The following CSTPP1 variants were observed in gnomAD, a reference collection of about 807,000 sequenced individuals.
CSTPP1 encodes the protein UPF0705 protein C11orf49.
At chr11:46,966,615 TA>T in the CSTPP1 span, among the ~76,000 whole-genome samples, 69 of 148,402 alleles carry the variant, frequency 4.6e-4, no homozygotes, top group Admixed American at 4.3e-3. Flanking sequence ...TGGTGTTTTA[TA>T]AAAAAAAAAC....
the CSTPP1 span, among the ~76,000 whole-genome samples, chr11:47,053,575 G>A: frequency 6.0e-5 from 9 of 150,598 alleles, no homozygotes; most frequent in South Asian, 2.1e-4. Flanking sequence ...AGCCGAGATC[G>A]TGCCACTGCT....
At chr11:47,129,842 C>T in the CSTPP1 span, among the ~76,000 whole-genome samples, 2 of 151,914 alleles carry the variant, frequency 1.3e-5, no homozygotes, top group Non-Finnish European at 2.9e-5. Flanking sequence ...TCATTTTAAA[C>T]GTTGCCATAA....
At chr11:47,007,538 T>C in the CSTPP1 span, among the ~76,000 whole-genome samples, 6 of 152,204 alleles carry the variant, frequency 3.9e-5, no homozygotes, top group African/African-American at 1.4e-4. Flanking sequence ...TGCTTGAACA[T>C]AGTAAATAAA....
the CSTPP1 span, among the ~76,000 whole-genome samples, chr11:47,017,743 C>T: frequency 1.3e-5 from 2 of 151,288 alleles, no homozygotes; most frequent in South Asian, 2.1e-4. Context: ...TCTTGGCTCA[C>T]TGAAACCTCC....
At chr11:47,058,146 C>G in the CSTPP1 span, among the ~76,000 whole-genome samples, 2 of 152,050 alleles carry the variant, frequency 1.3e-5, no homozygotes, top group African/African-American at 4.8e-5. Flanking sequence ...CCAGCTTGGG[C>G]AACAGAGCAA....
chr11:47,102,237 G>A, the CSTPP1 span, among the ~76,000 whole-genome samples: 7 of 151,856 alleles, frequency 4.6e-5, no homozygotes, highest in Non-Finnish European at 8.8e-5. Flanking sequence ...AAAGGATTTT[G>A]ATCTCTTTTT....
chr11:47,041,080 T>A, the CSTPP1 span: 1 of 184,184 alleles, frequency 5.4e-6, no homozygotes, highest in Non-Finnish European at 1.2e-5. Context: ...GGTGTTGACT[T>A]TGTCTGCCCC....
chr11:47,053,824 C>T, the CSTPP1 span, among the ~76,000 whole-genome samples: 5 of 151,356 alleles, frequency 3.3e-5, no homozygotes, highest in South Asian at 1.0e-3. Context: ...CATACCTGTA[C>T]TCACAGCTAC....
the CSTPP1 span, among the ~76,000 whole-genome samples, chr11:47,081,285 TAA>T: frequency 6.6e-6 from 1 of 152,012 alleles, no homozygotes; most frequent in Non-Finnish European, 1.5e-5. Flanking sequence ...ATATGTAGAC[TAA>T]AATAACCAGA....
At chr11:47,116,754 A>G in the CSTPP1 span, among the ~76,000 whole-genome samples, 2 of 133,396 alleles carry the variant, frequency 1.5e-5, no homozygotes, top group Admixed American at 1.9e-4. Flanking sequence ...ATCTCAGCTC[A>G]CTGCAAGCTC....
chr11:47,157,831 T>C, the CSTPP1 span: 7 of 1,613,860 alleles, frequency 4.3e-6, no homozygotes, highest in Non-Finnish European at 5.1e-6. Flanking sequence ...CCCCAGCACT[T>C]GTCAAAGAGG....
the CSTPP1 span, among the ~76,000 whole-genome samples, chr11:46,946,923 A>C: frequency 1.3e-5 from 2 of 152,236 alleles, no homozygotes; most frequent in Admixed American, 6.5e-5. Flanking sequence ...TAACAGAATA[A>C]ATTTTAAAAT....
At chr11:47,071,580 C>T in the CSTPP1 span, among the ~76,000 whole-genome samples, 1 of 152,142 alleles carries the variant, frequency 6.6e-6, no homozygotes, top group Non-Finnish European at 1.5e-5. Context: ...CATTCTGAAC[C>T]TTGCTTATTG....
the CSTPP1 span, chr11:46,936,861 C>G: frequency 1.3e-6 from 2 of 1,576,074 alleles, no homozygotes; most frequent in African/African-American, 1.4e-5. Flanking sequence ...GGTAGGAACC[C>G]CCTTTAACTT....
chr11:47,054,001 C>CA, the CSTPP1 span, among the ~76,000 whole-genome samples: 1 of 142,602 alleles, frequency 7.0e-6, no homozygotes, highest in East Asian at 2.0e-4. Flanking sequence ...TATTTGAAGG[C>CA]TTTTTTTTTT....
At chr11:46,980,061 AAAACAAAC>A in the CSTPP1 span, among the ~76,000 whole-genome samples, 1 of 152,030 alleles carries the variant, frequency 6.6e-6, no homozygotes, top group Admixed American at 6.5e-5. Context: ...AACTATATAT[AAAACAAAC>A]AAACAAACAA....
chr11:47,054,208 G>T, the CSTPP1 span, among the ~76,000 whole-genome samples: 3 of 151,042 alleles, frequency 2.0e-5, no homozygotes, highest in East Asian at 5.8e-4. Flanking sequence ...CTACCCGGGA[G>T]GCTGAGGCAG....
chr11:46,941,234 C>A, the CSTPP1 span, among the ~76,000 whole-genome samples: 1 of 152,218 alleles, frequency 6.6e-6, no homozygotes, highest in East Asian at 1.9e-4. Context: ...TTCATCAAAC[C>A]GTATCACTCT....
chr11:47,161,164 A>G, the CSTPP1 span: 10 of 1,614,234 alleles, frequency 6.2e-6, no homozygotes, highest in East Asian at 2.2e-4. Context: ...TGCACGACCC[A>G]GCAATGGATG....
Sources: gnomAD v4.1 joint callset for allele counts (sites outside exome capture counted in the v4.1 genomes callset) on GRCh38, gnomAD v4.1.1 for gene constraint, MANE v1.5 for transcripts, NCBI Gene and HGNC (gene_info 2026-07-23, HGNC 2026-07-21) for gene names.